The following MAST4 variants were observed in gnomAD, a reference collection of about 807,000 sequenced individuals.
MAST4 encodes the protein microtubule-associated serine/threonine-protein kinase 4.
MAST4 carries 89 observed loss-of-function variants against 162.7 expected under a neutral mutation model. The ratio of observed to expected loss-of-function variants is 0.55; its 90% CI spans 0.46 to 0.65. The LOEUF is 0.65. MAST4 is among the 30% of genes least tolerant of loss of function. The probability of loss-of-function intolerance (pLI) is 0.00; values close to 1 mark genes in which losing one functional copy is unlikely to be tolerated. For missense variants in MAST4, 3,153 were observed against 3,374.0 expected (o/e 0.93, Z 1.62); for synonymous variants, 1,479 against 1,361.1 (o/e 1.09, Z -1.91).
chr5:67,144,934 C>G (rs1770875605), intron 22 of MAST4, 138 bp downstream of exon 22: 1 of 1,142,314 alleles, frequency 8.8e-7, no homozygotes, highest in South Asian at 1.6e-5. Context: ...TCCAGTAGAT[C>G]TAGGGTAGGG....
At chr5:66,633,900 T>C (rs982412393) in intron 1 of MAST4, among the ~76,000 whole-genome samples, 9 of 152,190 alleles carry the variant, frequency 5.9e-5, no homozygotes, top group Non-Finnish European at 1.2e-4. Context: ...GCTTGCACTG[T>C]GGCACACTCC....
intron 4 of MAST4, among the ~76,000 whole-genome samples, chr5:66,969,616 C>T (rs1048637162): frequency 1.3e-5 from 2 of 152,246 alleles, no homozygotes; most frequent in African/African-American, 4.8e-5. Context: ...CCTGTTGCTG[C>T]TTGGAAAGGT....
At chr5:66,752,073 C>A (rs1378726396) in intron 1 of MAST4, among the ~76,000 whole-genome samples, 4 of 152,096 alleles carry the variant, frequency 2.6e-5, no homozygotes, top group Non-Finnish European at 5.9e-5. Flanking sequence ...GAAATAAAAT[C>A]CTTTACAGAC....
chr5:66,744,813 A>G (rs1752658256), intron 1 of MAST4, among the ~76,000 whole-genome samples: 1 of 152,218 alleles, frequency 6.6e-6, no homozygotes, highest in Non-Finnish European at 1.5e-5. Context: ...ATTGGGGATT[A>G]CACTTCAACA....
intron 4 of MAST4, among the ~76,000 whole-genome samples, chr5:67,037,279 T>C (rs1475975671): frequency 6.6e-6 from 1 of 151,966 alleles, no homozygotes; most frequent in Non-Finnish European, 1.5e-5. Flanking sequence ...AGAGAGGTGA[T>C]TGTTGAGGGT....
intron 4 of MAST4, among the ~76,000 whole-genome samples, chr5:66,904,912 C>A (rs1763246551): frequency 6.6e-6 from 1 of 152,032 alleles, no homozygotes; most frequent in African/African-American, 2.4e-5. Context: ...GTTTTCCAGC[C>A]CTTTCCCCCT....
chr5:66,764,914 T>C (rs944774641), intron 2 of MAST4, among the ~76,000 whole-genome samples: 2 of 152,242 alleles, frequency 1.3e-5, no homozygotes, highest in African/African-American at 4.8e-5. Flanking sequence ...CACTACTCAC[T>C]GACTCCCTGG....
In MAST4 at chr5:66,847,820, C is replaced by CAAAAAAAAAAAAAAAAAAAAAAAAA. The variant is rs777825639; in HGVS notation, c.643-52108_643-52107insAAAAAAAAAAAAAAAAAAAAAAAAA. 1.3e-4 allele frequency among the ~76,000 whole-genome samples: 7 copies of CAAAAAAAAAAAAAAAAAAAAAAAAA among 54,146 alleles called. No individual in the cohort carries two copies. In the East Asian group the frequency reaches 3.4e-3, roughly 26 times the overall value. The allele number at this position is 54,146 out of a possible 152,430, so 35.5% of individuals were successfully genotyped here. On this transcript the variant is annotated intron_variant, in intron 3 of 28. Coordinates refer to ENST00000403625, the MANE Select transcript of MAST4 (RefSeq NM_001164664.2). ...TGGGTGCTGGAACAAGACTCCTTCT[C>CAAAAAAAAAAAAAAAAAAAAAAAAA]AAAAAAAAAAAAAAAAAAAAAAAGA...
intron 3 of MAST4, among the ~76,000 whole-genome samples, chr5:66,873,761 G>T (rs1199579484): frequency 6.6e-6 from 1 of 152,202 alleles, no homozygotes; most frequent in East Asian, 1.9e-4. Context: ...AGGCTCCTTA[G>T]AACTAGATAT....
At chr5:66,775,243 C>G (rs1754542840) in intron 2 of MAST4, among the ~76,000 whole-genome samples, 1 of 152,090 alleles carries the variant, frequency 6.6e-6, no homozygotes, top group Non-Finnish European at 1.5e-5. Flanking sequence ...ACCTGGCTTT[C>G]AAGCTTGAGA....
intron 5 of MAST4, among the ~76,000 whole-genome samples, chr5:67,082,007 C>T (rs975670407): frequency 5.9e-5 from 9 of 152,178 alleles, no homozygotes; most frequent in Non-Finnish European, 1.3e-4. Context: ...TCATGTACCT[C>T]TGGATATGTT....
rs556106505 is a variant in MAST4, at chr5:66,639,190, C to T, written c.363+42172C>T. ...GGAAAGCCAGGGAACTGAGGAAAAA[C>T]CTAGATAGAATGATGTCATGGGAAC... is the stretch of plus-strand genomic sequence containing the variant. On this transcript the variant is annotated intron_variant, in intron 1 of 28. Coordinates refer to ENST00000403625, the MANE Select transcript of MAST4 (RefSeq NM_001164664.2). Among the ~76,000 whole-genome samples the T allele has an allele frequency of 3.2e-3, 488 of 151,382 alleles. 3 individuals carry two copies. The highest frequency in any genetic ancestry group is 0.011 in the African/African-American group (459 of 41,194).
chr5:66,729,085 T>C (rs1047973249), intron 1 of MAST4, among the ~76,000 whole-genome samples: 6 of 152,220 alleles, frequency 3.9e-5, no homozygotes, highest in African/African-American at 1.4e-4. Flanking sequence ...TAAATTTGCA[T>C]TTTAGAAAAG....
At chr5:67,057,616 A>C (rs1759011645) in intron 5 of MAST4, among the ~76,000 whole-genome samples, 1 of 151,418 alleles carries the variant, frequency 6.6e-6, no homozygotes, top group African/African-American at 2.4e-5. Context: ...GAAGGAAAGA[A>C]AAGAAAAGAA....
chr5:66,839,985 G>T (rs761299159), intron 3 of MAST4, among the ~76,000 whole-genome samples: 1 of 151,584 alleles, frequency 6.6e-6, no homozygotes, highest in Non-Finnish European at 1.5e-5. Flanking sequence ...TTAAACTGAC[G>T]CGTTCTTGGG....
At chr5:67,001,763 T>G (rs908136003) in intron 4 of MAST4, 1 of 152,200 alleles carries the variant, frequency 6.6e-6, no homozygotes, top group East Asian at 1.9e-4. Flanking sequence ...CACCTACAGG[T>G]TGTGTTCTAC....
At chr5:66,851,400 T>C (rs993680204) in intron 3 of MAST4, among the ~76,000 whole-genome samples, 1 of 152,236 alleles carries the variant, frequency 6.6e-6, no homozygotes, top group African/African-American at 2.4e-5. Flanking sequence ...ATTAGGCTGC[T>C]AGCCAATTTG....
chr5:66,924,578 T>G (rs751721173), intron 4 of MAST4, among the ~76,000 whole-genome samples: 2 of 152,132 alleles, frequency 1.3e-5, no homozygotes, highest in Non-Finnish European at 2.9e-5. Context: ...GCTAATTTTT[T>G]GTATTTTTAG....
chr5:67,144,402 G>T (rs985113125), intron 21 of MAST4, among the ~76,000 whole-genome samples: 1 of 151,814 alleles, frequency 6.6e-6, no homozygotes, highest in South Asian at 2.1e-4. Flanking sequence ...TACAAAGTCC[G>T]CAACAAGATA....
Sources: gnomAD v4.1 joint callset for allele counts (sites outside exome capture counted in the v4.1 genomes callset) on GRCh38, gnomAD v4.1.1 for gene constraint, MANE v1.5 for transcripts, NCBI Gene and HGNC (gene_info 2026-07-23, HGNC 2026-07-21) for gene names.